Variants in GNAI3 observed in about 807,000 individuals in gnomAD.
GNAI3 encodes the protein guanine nucleotide-binding protein G(i) subunit alpha-3.
In GNAI3, 12 loss-of-function variants were observed where a neutral mutation model predicts 41.8. The observed-to-expected ratio is 0.29, with a 90% CI of 0.18 to 0.47. The LOEUF (loss-of-function observed/expected upper bound fraction) is 0.47. GNAI3 is among the 20% of genes least tolerant of loss of function. The pLI is 1.00. For synonymous variants in GNAI3, 132 were observed against 146.5 expected, an observed-to-expected ratio of 0.90 and a Z score of 0.71; for missense variants, 360 against 429.6, an observed-to-expected ratio of 0.84 and a Z score of 1.43.
intron 1 of GNAI3, among the ~76,000 whole-genome samples, chr1:109,560,433 G>C (rs1407413630): frequency 6.6e-6 from 1 of 152,040 alleles, no homozygotes; most frequent in Non-Finnish European, 1.5e-5. Flanking sequence ...GTTGAGTCAG[G>C]CTTGCCTTGC....
chr1:109,559,192 A>G (rs1363400919), intron 1 of GNAI3, among the ~76,000 whole-genome samples: 2 of 152,162 alleles, frequency 1.3e-5, no homozygotes, highest in Admixed American at 6.5e-5. Flanking sequence ...AAAAGAAAAA[A>G]AAAAGAAAAG....
Position 109,598,785 on chromosome 1 carries a change from C to A in GNAI3, c.*6463C>A, listed in dbSNP as rs1003082552. ...TTCTGCAGTCTCCAGTGTCTTCTGA[C>A]CTCACAGAAATGTTTTCATGCTTTT... On this transcript the variant is annotated 3_prime_UTR_variant, in exon 9 of 9. Transcript: ENST00000369851. The A allele has an allele frequency of 2.1e-5, 10 of 477,608 alleles. No individual in the cohort carries two copies. Among genetic ancestry groups the A allele is most frequent in the Admixed American group, 1.8e-4 (9 of 49,198 alleles). The allele number at this position is 477,608 out of a possible 1,614,324, so 29.6% of individuals were successfully genotyped here.
intron 1 of GNAI3, among the ~76,000 whole-genome samples, chr1:109,570,895 G>C (rs1648580353): frequency 6.6e-6 from 1 of 152,260 alleles, no homozygotes; most frequent in African/African-American, 2.4e-5. Flanking sequence ...CTGGCAAACT[G>C]GCTTTAGAAA....
At chr1:109,573,458 A>G (rs1648659126) in intron 1 of GNAI3, among the ~76,000 whole-genome samples, 1 of 152,194 alleles carries the variant, frequency 6.6e-6, no homozygotes, top group African/African-American at 2.4e-5. Flanking sequence ...CCAAAAGTTT[A>G]TGTTGCCATC....
chr1:109,550,408 A>G (rs951085603), intron 1 of GNAI3, among the ~76,000 whole-genome samples: 1 of 152,216 alleles, frequency 6.6e-6, no homozygotes, highest in Non-Finnish European at 1.5e-5. Flanking sequence ...GTGGATATGC[A>G]TGGTCCCTGG....
chr1:109,557,383 C>T (rs1648186402), intron 1 of GNAI3, among the ~76,000 whole-genome samples: 1 of 152,094 alleles, frequency 6.6e-6, no homozygotes, highest in Non-Finnish European at 1.5e-5. Flanking sequence ...TCTTTTAGGG[C>T]AGGAGGACTA....
In GNAI3 at chr1:109,573,931, G is replaced by C; in HGVS notation, c.197G>C (p.Cys66Ser). The C allele has an allele frequency of 6.2e-7, 1 of 1,609,692 alleles. No individual in the cohort carries two copies. The highest frequency in any genetic ancestry group is 8.5e-7 in the Non-Finnish European group (1 of 1,176,244). ...IHEDGYSEDE[C>S]KQYKVVVYSN... ...GAGGATGGCTATTCAGAGGATGAAT[G>C]TAAACAATATAAAGTAGTTGTCTAC... Residue 66 changes from cysteine to serine, a missense_variant, in exon 3 of 9, where the codon TGT becomes TCT. Coordinates refer to ENST00000369851, the MANE Select transcript of GNAI3 (RefSeq NM_006496.4).
At position 109,580,346 on chromosome 1, in the gene GNAI3, T is replaced by A. The variant is rs546828026; in HGVS notation, c.461+985T>A. On this transcript the variant is annotated intron_variant, in intron 4 of 8. Transcript: ENST00000369851. ...ACTTTTGCGGGGCCTGGTGAGCACTTGTTATCTGTATTTCTCTCTGTACTG... is the reference window on the plus strand; with the variant it reads ...ACTTTTGCGGGGCCTGGTGAGCACTAGTTATCTGTATTTCTCTCTGTACTG... Among the ~76,000 whole-genome samples the A allele has an allele frequency of 3.9e-5, 6 of 152,262 alleles. No homozygotes were observed. The East Asian group carries it at 7.7e-4, about 20-fold the overall frequency.
intron 1 of GNAI3, among the ~76,000 whole-genome samples, chr1:109,556,770 C>T (rs905421381): frequency 7.2e-5 from 11 of 152,234 alleles, no homozygotes; most frequent in Admixed American, 2.6e-4. Flanking sequence ...CAGTCAGTTG[C>T]GAAGTCCTAT....
At chr1:109,562,957 G>A (rs969725844) in intron 1 of GNAI3, among the ~76,000 whole-genome samples, 1 of 152,150 alleles carries the variant, frequency 6.6e-6, no homozygotes, top group Non-Finnish European at 1.5e-5. Context: ...ACAGTTGCTT[G>A]TGTCAGTTCT....
chr1:109,571,700 T>C (rs1011483192), intron 1 of GNAI3, among the ~76,000 whole-genome samples: 2 of 152,142 alleles, frequency 1.3e-5, no homozygotes, highest in African/African-American at 4.8e-5. Flanking sequence ...GGTGGATCGC[T>C]TGAGCCCAGG....
At chr1:109,578,821 T>C (rs548576858) in intron 3 of GNAI3, among the ~76,000 whole-genome samples, 1 of 152,352 alleles carries the variant, frequency 6.6e-6, no homozygotes, top group South Asian at 2.1e-4. Flanking sequence ...TTTCTATTTT[T>C]AGTGTAGGCT....
chr1:109,566,462 CCTAT>C (rs1299848583), intron 1 of GNAI3, among the ~76,000 whole-genome samples: 2 of 152,060 alleles, frequency 1.3e-5, no homozygotes, highest in Non-Finnish European at 2.9e-5. Context: ...TGATGTTTTT[CCTAT>C]CTGTTATTCT....
intron 1 of GNAI3, among the ~76,000 whole-genome samples, chr1:109,550,298 A>G (rs1647947801): frequency 6.6e-6 from 1 of 152,168 alleles, no homozygotes; most frequent in Non-Finnish European, 1.5e-5. Context: ...TATAAAGGGA[A>G]AGTTATGTAT....
intron 5 of GNAI3, among the ~76,000 whole-genome samples, chr1:109,585,479 A>G (rs1356371069): frequency 6.6e-6 from 1 of 152,342 alleles, no homozygotes; most frequent in South Asian, 2.1e-4. Flanking sequence ...TATTGGGTTC[A>G]TAGAATCCTA....
In GNAI3 at chr1:109,579,253, T is replaced by G; in HGVS notation, c.353T>G (p.Val118Gly). The change falls in exon 4 of 9, where the codon GTC becomes GGC. Residue 118 changes from valine (V) to glycine (G), a missense_variant. Coordinates refer to ENST00000369851, the MANE Select transcript of GNAI3 (RefSeq NM_006496.4). ...FVLAGSAEEG[V>G]MTPELAGVIK... ...TTAGCTGGCAGTGCTGAAGAAGGAG[T>G]CATGACTCCAGAACTAGCAGGAGTG... 2 of 1,613,120 alleles carry G rather than the reference T, an allele frequency of 1.2e-6. No homozygotes were observed. Among genetic ancestry groups the G allele is most frequent in the Non-Finnish European group, 1.7e-6 (2 of 1,179,324 alleles).
chr1:109,562,633 A>G (rs560793932), intron 1 of GNAI3, among the ~76,000 whole-genome samples: 3 of 152,270 alleles, frequency 2.0e-5, no homozygotes, highest in East Asian at 3.9e-4. Context: ...AGTAAAGGAA[A>G]TTGAAATTGT....
At chr1:109,575,677 G>A (rs1263049062) in intron 3 of GNAI3, among the ~76,000 whole-genome samples, 6 of 151,038 alleles carry the variant, frequency 4.0e-5, no homozygotes, top group African/African-American at 7.3e-5. Context: ...GATTACAGGC[G>A]CTCACCTCCA....
chr1:109,586,289 A>G lies in GNAI3; in HGVS notation c.664A>G (p.Ile222Val). 1 of 1,613,590 alleles carries G rather than the reference A, an allele frequency of 6.2e-7. No individual in the cohort carries two copies. Among genetic ancestry groups the G allele is most frequent in the Non-Finnish European group, 8.5e-7 (1 of 1,179,560 alleles). The change falls in exon 6 of 9, where the codon ATC (isoleucine) becomes GTC (valine). Residue 222 changes from isoleucine (I) to valine (V), a missense_variant. Physicochemically the swap from Ile to Val is conservative, Grantham distance 29 (BLOSUM62 3). Coordinates refer to ENST00000369851, the MANE Select transcript of GNAI3 (RefSeq NM_006496.4). ...IHCFEGVTAI[I>V]FCVALSDYDL... ...CTGTTTTGAGGGAGTGACAGCAATT[A>G]TCTTCTGTGTGGCCCTCAGTGATTA...
Sources: gnomAD v4.1 joint callset for allele counts (sites outside exome capture counted in the v4.1 genomes callset) on GRCh38, gnomAD v4.1.1 for gene constraint, MANE v1.5 for transcripts, NCBI Gene and HGNC (gene_info 2026-07-23, HGNC 2026-07-21) for gene names.